The following PEX1 variants were observed in gnomAD, a reference collection of about 807,000 sequenced individuals.
PEX1 encodes peroxisomal ATPase PEX1.
A neutral mutation model predicts 152.5 loss-of-function variants in PEX1; 97 were observed. That is an observed-to-expected ratio of 0.64 (90% CI 0.54 to 0.75). The LOEUF is 0.75. PEX1 is among the 30% of genes least tolerant of loss of function. PEX1 has a pLI of 0.00. For synonymous variants in PEX1, 485 were observed against 531.6 expected (o/e 0.91, Z 1.21); for missense variants, 1,357 against 1,516.3 (o/e 0.89, Z 1.74).
chr7:92,490,249 A>G (rs1791219618), intron 21 of PEX1: 1 of 287,710 alleles, frequency 3.5e-6, no homozygotes, highest in Admixed American at 4.9e-5. Flanking sequence ...GACATTTCTA[A>G]ATAGAATAAA....
intron 5 of PEX1, among the ~76,000 whole-genome samples, chr7:92,516,531 A>C (rs1320966429): frequency 6.6e-6 from 1 of 152,188 alleles, no homozygotes; most frequent in African/African-American, 2.4e-5. Context: ...GAAAAAAAAA[A>C]AATCTACAAA....
intron 19 of PEX1, chr7:92,494,017 A>G: frequency 2.6e-6 from 1 of 379,996 alleles, no homozygotes; most frequent in Non-Finnish European, 5.0e-6. Context: ...TGAACAGAAG[A>G]TAATGTGAAA....
chr7:92,493,264 C>A, intron 19 of PEX1, 135 bp from the exon 20 acceptor site: 1 of 536,968 alleles, frequency 1.9e-6, no homozygotes, highest in Non-Finnish European at 3.2e-6. Flanking sequence ...GAGAAATGTA[C>A]CAACAGCCTA....
In PEX1 at chr7:92,517,419, C is replaced by G; in HGVS notation, c.1096G>C (p.Asp366His). 6.2e-7 allele frequency: 1 copy of G among 1,613,722 alleles called. No individual in the cohort carries two copies. Among genetic ancestry groups the G allele is most frequent in the Non-Finnish European group, 8.5e-7 (1 of 1,179,904 alleles). ...TGATCTGACCTAATTTTTTTTTGAT[C>G]TAGTGGCTCTGACATCTGCTTCTCT... ...EKEKQMSEPL[D>H]QKKIRSDHNE... is the part of the protein sequence containing the mutation. Residue 366 changes from aspartate (D) to histidine (H), a missense_variant, in exon 5 of 24, where the codon GAT becomes CAT. Coordinates refer to ENST00000248633, the MANE Select transcript of PEX1 (RefSeq NM_000466.3).
In PEX1 at chr7:92,504,726, A is replaced by G. The variant is rs1424345241; in HGVS notation, c.2071+6T>C. ...AAGACCTTAAGCCAGTGGTGGATGC[A>G]TTTACCATGAGCAAGCCGCTGGCTC... On this transcript the variant is annotated splice_donor_region_variant and intron_variant, in intron 12 of 23. Coordinates refer to ENST00000248633, the MANE Select transcript of PEX1 (RefSeq NM_000466.3). 6.2e-7 allele frequency: 1 copy of G among 1,613,868 alleles called. No individual in the cohort carries two copies. The highest frequency in any genetic ancestry group is 8.5e-7 in the Non-Finnish European group (1 of 1,179,916).
chr7:92,513,762 A>G, intron 6 of PEX1, 86 bp downstream of exon 6: 1 of 985,268 alleles, frequency 1.0e-6, no homozygotes, highest in Non-Finnish European at 1.6e-6. Flanking sequence ...AAAGGAATAC[A>G]ACATTCTTAT....
chr7:92,507,004 G>C lies in PEX1; in HGVS notation c.1793C>G (p.Thr598Arg). ...ACCTTAACCACTTACCTTTCCTCCT[G>C]TGAGTAAAAGAGCTCCATTCCTAAG... ...AGLRNGALLL[T>R]GGKGSGKSTL... The change falls in exon 10 of 24, where the codon ACA becomes AGA. Residue 598 changes from threonine to arginine, a missense_variant. Transcript: ENST00000248633. 1 of 1,613,980 alleles carries C rather than the reference G, an allele frequency of 6.2e-7. No individual in the cohort carries two copies.
chr7:92,487,384 A>AT lies in PEX1; in HGVS notation c.*72dup, dbSNP rs1235312893. The stretch of plus-strand genomic sequence containing the variant: ...AATTAAGAAGAAATTCATAGACACC[A>AT]TTTTTTTCCTGTTACAACATATGGA... On this transcript the variant is annotated 3_prime_UTR_variant, in exon 24 of 24. Coordinates refer to ENST00000248633, the MANE Select transcript of PEX1 (RefSeq NM_000466.3). 5 of 789,446 alleles carry AT rather than the reference A, an allele frequency of 6.3e-6. No homozygotes were observed. Among genetic ancestry groups the AT allele is most frequent in the South Asian group, 1.5e-5 (1 of 64,658 alleles). The allele number at this position is 789,446 out of a possible 1,614,324, so 48.9% of individuals were successfully genotyped here. A position where few individuals can be genotyped will look rare whatever the true frequency, so the allele number is the denominator to read the frequency against.
At position 92,501,608 on chromosome 7, in the gene PEX1, T is replaced by C. The variant is rs767583884; in HGVS notation, c.2482A>G (p.Ser828Gly). 2 of 1,614,016 alleles carry C rather than the reference T, an allele frequency of 1.2e-6. No individual in the cohort carries two copies. The highest frequency in any genetic ancestry group is 2.2e-5 in the South Asian group (2 of 91,082). ...TCTCTAGGTTTATGCAGGTTGACAC[T>C]TCGCAAAGACGCAGGAAGAAATCCG... Reference protein sequence around the residue: ...LRGFLPASLRSVNLHKPRDLG... With the variant: ...LRGFLPASLRGVNLHKPRDLG... Residue 828 changes from serine (S) to glycine (G), a missense_variant, in exon 15 of 24, where the codon AGT becomes GGT. Physicochemically the swap from Ser to Gly is moderately conservative, Grantham distance 56. Coordinates refer to ENST00000248633, the MANE Select transcript of PEX1 (RefSeq NM_000466.3).
chr7:92,513,688 A>T (rs553171190), intron 6 of PEX1, among the ~76,000 whole-genome samples, 160 bp downstream of exon 6: 1 of 152,286 alleles, frequency 6.6e-6, no homozygotes, highest in East Asian at 1.9e-4. Context: ...ACACTTAAAA[A>T]TGGCGAACAT....
At chr7:92,502,185 C>A in intron 13 of PEX1, 106 bp from the exon 14 acceptor site, 1 of 797,578 alleles carries the variant, frequency 1.3e-6, no homozygotes, top group Non-Finnish European at 2.1e-6. Context: ...TGACAGAAAG[C>A]AAATTGGTAG....
Position 92,501,507 on chromosome 7 carries a change from C to G in PEX1, c.2583G>C (p.Lys861Asn). ...ILMDTIQLPA[K>N]YPELFANLPI... is the part of the protein sequence containing the mutation. ...TCACTTTTTCTTTTTTTAAACATAC[C>G]TTGGCAGGTAACTGGATAGTATCCA... Residue 861 changes from lysine (K) to asparagine (N), a missense_variant and splice_region_variant, in exon 15 of 24, where the codon AAG becomes AAC. Lys to Asn is a moderately conservative substitution (Grantham distance 94). Transcript: ENST00000248633. 6.2e-7 allele frequency: 1 copy of G among 1,612,368 alleles called. No homozygotes were observed. Among genetic ancestry groups the G allele is most frequent in the East Asian group, 2.2e-5 (1 of 44,850 alleles).
In PEX1 at chr7:92,492,939, C is replaced by G. The variant is rs1456695265; in HGVS notation, c.3207+14G>C. On this transcript the variant is annotated intron_variant, in intron 20 of 23. Transcript: ENST00000248633. ...ACTCATAAAATGTCATAACAACTTC[C>G]TCATATAACTTGCCTGGAGTCCACT... 4.4e-6 allele frequency: 7 copies of G among 1,601,636 alleles called. No individual in the cohort carries two copies. The highest frequency in any genetic ancestry group is 6.0e-6 in the Non-Finnish European group (7 of 1,168,796).
Position 92,489,372 on chromosome 7 carries a change from T to TA in PEX1, c.3687dup (p.Ser1230Ter). Reference sequence around the variant, plus strand: ...AGTGCAGTCATTAAATGTGACTGACTAATAGCCAGTCTGGTTTTGATTGGT... The same window carrying TA: ...AGTGCAGTCATTAAATGTGACTGACTAAATAGCCAGTCTGGTTTTGATTGGT... On this transcript the variant is annotated frameshift_variant, in exon 23 of 24. Coordinates refer to ENST00000248633, the MANE Select transcript of PEX1 (RefSeq NM_000466.3). LOFTEE classifies it high-confidence loss of function. 6.2e-7 allele frequency: 1 copy of TA among 1,611,524 alleles called. No homozygotes were observed. The highest frequency in any genetic ancestry group is 1.1e-5 in the South Asian group (1 of 91,024).
At chr7:92,505,034 T>A in intron 11 of PEX1, 132 bp from the exon 12 acceptor site, 4 of 689,940 alleles carry the variant, frequency 5.8e-6, no homozygotes, top group Non-Finnish European at 1.0e-5. Context: ...TTTATTAATA[T>A]ACCCATCACA....
At chr7:92,493,174 AAAT>A in intron 19 of PEX1, 45 bp from the exon 20 acceptor site, 1 of 1,064,388 alleles carries the variant, frequency 9.4e-7, no homozygotes, top group Non-Finnish European at 1.4e-6. Context: ...ATAAAATTAA[AAAT>A]ATTATCTTAA....
In PEX1 at chr7:92,489,916, A is replaced by C; in HGVS notation, c.3439-5T>G. 1 of 1,612,238 alleles carries C rather than the reference A, an allele frequency of 6.2e-7. No individual in the cohort carries two copies. The highest frequency in any genetic ancestry group is 8.5e-7 in the Non-Finnish European group (1 of 1,178,432). On this transcript the variant is annotated splice_region_variant and splice_polypyrimidine_tract_variant and intron_variant, in intron 21 of 23. Coordinates refer to ENST00000248633, the MANE Select transcript of PEX1 (RefSeq NM_000466.3). ...TGCAGAGAGACATTGTGAGCTCTGC[A>C]TGGTAAATTGTAGTAATGAAAGATG...
At chr7:92,520,977 C>A (rs1466321739) in intron 2 of PEX1, among the ~76,000 whole-genome samples, 1 of 149,324 alleles carries the variant, frequency 6.7e-6, no homozygotes, top group Non-Finnish European at 1.5e-5. Context: ...ATTATTACTA[C>A]ATCTTCTTCT....
intron 11 of PEX1, 62 bp downstream of exon 11, chr7:92,506,186 G>A: frequency 2.3e-6 from 2 of 875,454 alleles, no homozygotes; most frequent in Non-Finnish European, 3.9e-6. Flanking sequence ...ACAGCATTAT[G>A]TATAACATTC....
Sources: gnomAD v4.1 joint callset for allele counts (sites outside exome capture counted in the v4.1 genomes callset) on GRCh38, gnomAD v4.1.1 for gene constraint, MANE v1.5 for transcripts, NCBI Gene and HGNC (gene_info 2026-07-23, HGNC 2026-07-21) for gene names.